EPHA6: variants seen among roughly 807,000 people sequenced by gnomAD.
EPHA6 encodes EPH receptor A6.
A neutral mutation model predicts 112.0 loss-of-function variants in EPHA6; 50 were observed. That is an observed-to-expected ratio of 0.45 (90% CI 0.36 to 0.56). The LOEUF (loss-of-function observed/expected upper bound fraction) is 0.56. EPHA6 is among the 20% of genes least tolerant of loss of function. EPHA6 has a pLI of 0.00. For missense variants in EPHA6, 1,280 were observed against 1,417.4 expected, an observed-to-expected ratio of 0.90 and a Z score of 1.56; for synonymous variants, 529 against 490.7, an observed-to-expected ratio of 1.08 and a Z score of -1.03.
chr3:97,157,909 G>A (rs2076325952), intron 3 of EPHA6, among the ~76,000 whole-genome samples: 1 of 152,030 alleles, frequency 6.6e-6, no homozygotes, highest in African/African-American at 2.4e-5. Context: ...TTAATATTTG[G>A]TCAAATGTCT....
At chr3:97,084,741 A>T (rs2046840035) in intron 3 of EPHA6, among the ~76,000 whole-genome samples, 1 of 152,144 alleles carries the variant, frequency 6.6e-6, no homozygotes, top group African/African-American at 2.4e-5. Flanking sequence ...CTGCTGAAAG[A>T]TATCAGAGAC....
intron 1 of EPHA6, among the ~76,000 whole-genome samples, chr3:96,853,026 G>T (rs1460181491): frequency 6.6e-6 from 1 of 151,974 alleles, no homozygotes; most frequent in African/African-American, 2.4e-5. Flanking sequence ...ATGTCATTTT[G>T]ACTTCCGCAT....
intron 3 of EPHA6, among the ~76,000 whole-genome samples, chr3:97,117,892 TG>T (rs2047936971): frequency 6.6e-6 from 1 of 151,876 alleles, no homozygotes; most frequent in Non-Finnish European, 1.5e-5. Context: ...ATTTCTTATA[TG>T]TGGTAGTTCA....
intron 3 of EPHA6, among the ~76,000 whole-genome samples, chr3:97,027,628 G>A (rs946447738): frequency 6.6e-6 from 1 of 152,084 alleles, no homozygotes; most frequent in African/African-American, 2.4e-5. Flanking sequence ...ACATTAACAG[G>A]TTAATGAAGT....
At chr3:97,635,228 G>A (rs2093935540) in intron 13 of EPHA6, among the ~76,000 whole-genome samples, 1 of 151,986 alleles carries the variant, frequency 6.6e-6, no homozygotes, top group Non-Finnish European at 1.5e-5. Flanking sequence ...CATAAAGAAA[G>A]TAGTTTAGAT....
chr3:97,166,118 TC>T (rs2076535745), intron 3 of EPHA6, among the ~76,000 whole-genome samples: 1 of 152,180 alleles, frequency 6.6e-6, no homozygotes, highest in Non-Finnish European at 1.5e-5. Flanking sequence ...GCAATTACTC[TC>T]CCAAAGGAAG....
intron 5 of EPHA6, among the ~76,000 whole-genome samples, chr3:97,373,980 T>G (rs1035625707): frequency 2.6e-5 from 4 of 152,138 alleles, no homozygotes; most frequent in Non-Finnish European, 2.9e-5. Context: ...GACTTTTGTT[T>G]CTCACTAGAA....
At chr3:97,686,390 G>C (rs536344354) in intron 14 of EPHA6, among the ~76,000 whole-genome samples, 3 of 152,148 alleles carry the variant, frequency 2.0e-5, no homozygotes, top group South Asian at 4.1e-4. Context: ...GTAGATGGCA[G>C]GTATTAAGAA....
intron 11 of EPHA6, among the ~76,000 whole-genome samples, chr3:97,552,898 C>T (rs1408291034): frequency 6.6e-6 from 1 of 152,038 alleles, no homozygotes; most frequent in African/African-American, 2.4e-5. Flanking sequence ...CCTTGTCTTA[C>T]AAAACATTGC....
chr3:97,394,767 A>G (rs1170755308), intron 5 of EPHA6, among the ~76,000 whole-genome samples: 1 of 151,866 alleles, frequency 6.6e-6, no homozygotes, highest in Admixed American at 6.6e-5. Flanking sequence ...TGAAAAAGAC[A>G]AAAAGTGACA....
chr3:97,743,103 C>A (rs1042035650), intron 16 of EPHA6, among the ~76,000 whole-genome samples: 2 of 152,014 alleles, frequency 1.3e-5, no homozygotes, highest in Non-Finnish European at 2.9e-5. Context: ...TAAACATTTT[C>A]GCAATACAAG....
chr3:97,721,728 T>C (rs2034538456), intron 15 of EPHA6, among the ~76,000 whole-genome samples: 1 of 152,228 alleles, frequency 6.6e-6, no homozygotes, highest in Admixed American at 6.5e-5. Context: ...CAGTCTGCTA[T>C]TCATCAGGGA....
rs181888128 is a variant in EPHA6 at position 96,833,619 on chromosome 3, A to T, written c.385+18611A>T. On this transcript the variant is annotated intron_variant, in intron 1 of 17. Transcript: ENST00000389672. ...AGATGGAGTGGATATATCATCTCTT[A>T]GAATATAAAAGAGATCTAGCTGAAG... is the stretch of plus-strand genomic sequence containing the variant. 5.9e-3 allele frequency among the ~76,000 whole-genome samples: 904 copies of T among 152,134 alleles called. 9 individuals carry two copies. Among genetic ancestry groups the T allele is most frequent in the Non-Finnish European group, 0.01 (710 of 67,926 alleles).
intron 5 of EPHA6, among the ~76,000 whole-genome samples, chr3:97,321,513 C>A (rs1232493123): frequency 6.6e-6 from 1 of 151,848 alleles, no homozygotes; most frequent in Non-Finnish European, 1.5e-5. Flanking sequence ...ATTATCTTGT[C>A]CAAATTTTCA....
intron 5 of EPHA6, among the ~76,000 whole-genome samples, chr3:97,296,545 G>A (rs143275345): frequency 1.3e-5 from 2 of 152,292 alleles, no homozygotes; most frequent in East Asian, 1.9e-4. Context: ...GCTGAGTGGG[G>A]GTGGGTTGCT....
intron 5 of EPHA6, among the ~76,000 whole-genome samples, chr3:97,247,211 G>C (rs2079010877): frequency 6.6e-6 from 1 of 151,888 alleles, no homozygotes; most frequent in South Asian, 2.1e-4. Context: ...AGAGTAAAGT[G>C]GTTTACCTTC....
chr3:97,222,198 T>A (rs2078225694), intron 3 of EPHA6, among the ~76,000 whole-genome samples: 1 of 152,174 alleles, frequency 6.6e-6, no homozygotes, highest in Non-Finnish European at 1.5e-5. Context: ...TCTAATATGA[T>A]ATGATCTGAG....
At chr3:97,543,637 C>G (rs1489301574) in intron 11 of EPHA6, among the ~76,000 whole-genome samples, 5 of 152,050 alleles carry the variant, frequency 3.3e-5, no homozygotes, top group African/African-American at 1.2e-4. Context: ...TGAAGAAAGT[C>G]GTTGGTAGCT....
intron 3 of EPHA6, among the ~76,000 whole-genome samples, chr3:97,184,914 A>G (rs911778634): frequency 3.3e-5 from 5 of 152,198 alleles, no homozygotes; most frequent in African/African-American, 1.2e-4. Context: ...AATGCCACAT[A>G]TCTACAACCA....
Sources: allele counts gnomAD v4.1 joint callset (sites outside exome capture counted in the v4.1 genomes callset), GRCh38; gene constraint gnomAD v4.1.1; transcripts MANE v1.5; gene names NCBI Gene and HGNC (gene_info 2026-07-23, HGNC 2026-07-21).